AGR2: variants seen among roughly 807,000 people sequenced by gnomAD.
AGR2 encodes anterior gradient 2, protein disulphide isomerase family member.
Under a neutral mutation model 25.9 loss-of-function variants are expected in AGR2, and 27 were observed. The observed-to-expected ratio is 1.04, with a 90% CI of 0.77 to 1.44. The LOEUF is 1.44. AGR2 is among the 40% of genes most tolerant of loss of function. The pLI, the probability that AGR2 is intolerant of heterozygous loss-of-function variation, is 0.00. For missense variants in AGR2, 182 were observed against 200.9 expected (o/e 0.91, Z 0.57); for synonymous variants, 78 against 72.0 (o/e 1.08, Z -0.42).
intron 1 of AGR2, among the ~76,000 whole-genome samples, chr7:16,803,917 G>A (rs1785191314): frequency 6.6e-6 from 1 of 152,128 alleles, no homozygotes; most frequent in African/African-American, 2.4e-5. Flanking sequence ...ATTTATAACA[G>A]CATCTATATA....
At chr7:16,793,136 C>T (rs1033468567) in intron 7 of AGR2, among the ~76,000 whole-genome samples, 179 bp from the exon 8 acceptor site, 2 of 152,150 alleles carry the variant, frequency 1.3e-5, no homozygotes, top group Non-Finnish European at 2.9e-5. Flanking sequence ...GCAACCTCTG[C>T]CTCCTGGGTT....
chr7:16,797,693 T>C lies in AGR2; in HGVS notation c.332A>G (p.Tyr111Cys). The C allele has an allele frequency of 6.2e-7, 1 of 1,612,956 alleles. No homozygotes were observed. The highest frequency in any genetic ancestry group is 8.5e-7 in the Non-Finnish European group (1 of 1,179,396). The change falls in exon 6 of 8, where the codon TAT becomes TGT. Residue 111 changes from tyrosine (Y) to cysteine (C), a missense_variant and splice_region_variant. By Grantham distance (194) the Tyr-to-Cys change is radical. Coordinates refer to ENST00000419304, the MANE Select transcript of AGR2 (RefSeq NM_006408.4). Reference sequence around the variant, plus strand: ...AGAAAGGTGTTTGTCAGTTGTTTCATACTAAAATAAAAAGAAAAGCATCTT... The same window carrying C: ...AGAAAGGTGTTTGTCAGTTGTTTCACACTAAAATAAAAAGAAAAGCATCTT... Reference protein sequence around the residue: ...AEQFVLLNLVYETTDKHLSPD... With the variant: ...AEQFVLLNLVCETTDKHLSPD...
Position 16,797,620 on chromosome 7 carries a change from C to T in AGR2, c.394+11G>A, listed in dbSNP as rs760549470. ...GTGTTTCCGAGTTATCTCACTGTCA[C>T]TTCCGCTTACCAACAAACATAATCC... On this transcript the variant is annotated intron_variant, in intron 6 of 7. Coordinates refer to ENST00000419304, the MANE Select transcript of AGR2 (RefSeq NM_006408.4). The T allele has an allele frequency of 7.4e-6, 12 of 1,613,394 alleles. No individual in the cohort carries two copies. In the African/African-American group the frequency reaches 9.3e-5, roughly 13 times the overall value.
In AGR2 at chr7:16,801,766, G is replaced by A. The variant is rs751533102; in HGVS notation, c.31C>T (p.Leu11Phe). 5.0e-6 allele frequency: 8 copies of A among 1,611,306 alleles called. No individual in the cohort carries two copies. In the South Asian group the frequency reaches 8.8e-5, roughly 18 times the overall value. ...AGAGTGTAGGAGAGGGCCACAAGGA[G>A]CAAGAATGCTGACACTGGAATTTTC... Reference protein sequence around the residue: MEKIPVSAFLLLVALSYTLAR... With the variant: MEKIPVSAFLFLVALSYTLAR... The change falls in exon 2 of 8, where the codon CTC (leucine) becomes TTC (phenylalanine). Residue 11 changes from leucine to phenylalanine, a missense_variant. Coordinates refer to ENST00000419304, the MANE Select transcript of AGR2 (RefSeq NM_006408.4).
chr7:16,804,653 G>GA (rs1785203441), intron 1 of AGR2, among the ~76,000 whole-genome samples: 1 of 152,094 alleles, frequency 6.6e-6, no homozygotes, highest in African/African-American at 2.4e-5. Flanking sequence ...TCCCAGGCTT[G>GA]AAAAATCCTA....
chr7:16,802,911 C>T (rs1407196843), intron 1 of AGR2, among the ~76,000 whole-genome samples: 1 of 152,146 alleles, frequency 6.6e-6, no homozygotes, highest in East Asian at 1.9e-4. Context: ...TGGCTCACTG[C>T]AACCTCCACC....
intron 2 of AGR2, 30 bp from the exon 3 acceptor site, chr7:16,801,413 GC>G (rs745342284): frequency 6.3e-7 from 1 of 1,599,306 alleles, no homozygotes; most frequent in Admixed American, 1.7e-5. Context: ...TATATTTGAA[GC>G]TTGTATAAAT....
At position 16,795,107 on chromosome 7, in the gene AGR2, A is replaced by T. The variant is rs1035987588; in HGVS notation, c.395-88T>A. On this transcript the variant is annotated intron_variant, in intron 6 of 7. Transcript: ENST00000419304. ...TGCCCCGGGGAGCTGAAGTTCATGTATTCATGTCCTGTGAGGGAATGGAGT... is the reference window on the plus strand; with the variant it reads ...TGCCCCGGGGAGCTGAAGTTCATGTTTTCATGTCCTGTGAGGGAATGGAGT... 4.8e-5 allele frequency: 66 copies of T among 1,385,686 alleles called. No individual in the cohort carries two copies. In the African/African-American group the frequency reaches 8.7e-4, roughly 18 times the overall value. 85.8% of individuals were successfully genotyped at this position (1,385,686 alleles called of 1,614,324 possible).
In AGR2 at chr7:16,797,134, G is replaced by A. The variant is rs191986103; in HGVS notation, c.394+497C>T. On this transcript the variant is annotated intron_variant, in intron 6 of 7. Coordinates refer to ENST00000419304, the MANE Select transcript of AGR2 (RefSeq NM_006408.4). ...GTAGAGATGGGGTTTCACCTTGTTG[G>A]CCAGGCTGGTTTGGAGCTCCTGACC... 2.2e-4 allele frequency among the ~76,000 whole-genome samples: 33 copies of A among 152,034 alleles called. No individual in the cohort carries two copies. In the East Asian group the frequency reaches 5.8e-3, roughly 27 times the overall value.
chr7:16,798,040 G>A (rs1785078955), intron 5 of AGR2, among the ~76,000 whole-genome samples: 2 of 152,144 alleles, frequency 1.3e-5, no homozygotes, highest in African/African-American at 4.8e-5. Context: ...AGACAAGTAC[G>A]GGATTTTCTT....
chr7:16,794,878 C>G, intron 7 of AGR2, 58 bp downstream of exon 7: 7 of 1,611,210 alleles, frequency 4.3e-6, no homozygotes, highest in Non-Finnish European at 5.9e-6. Flanking sequence ...AGTCCCATCA[C>G]TACAGCAATA....
chr7:16,801,953 T>C (rs1186073750), intron 1 of AGR2, 150 bp from the exon 2 acceptor site: 3 of 594,538 alleles, frequency 5.0e-6, no homozygotes, highest in Non-Finnish European at 5.6e-6. Flanking sequence ...CTCTGTTCCA[T>C]GGGATTTTCC....
At chr7:16,794,696 C>T (rs1190757572) in intron 7 of AGR2, 1 of 1,081,384 alleles carries the variant, frequency 9.2e-7, no homozygotes, top group Non-Finnish European at 1.3e-6. Context: ...ATAGAATCCT[C>T]CTAGAGAAAA....
rs1784981750 is a variant in AGR2 at position 16,792,628 on chromosome 7, T to G, written c.*280A>C. 2.6e-6 allele frequency: 1 copy of G among 390,812 alleles called. No homozygotes were observed. The highest frequency in any genetic ancestry group is 2.0e-5 in the African/African-American group (1 of 49,148). The allele number at this position is 390,812 out of a possible 1,614,324, so 24.2% of individuals were successfully genotyped here. The stretch of plus-strand genomic sequence containing the variant: ...ATCCTATTTGGTAAACGAACCACTG[T>G]GAAAGACCAAGTTGGAGAAAACAGA... On this transcript the variant is annotated 3_prime_UTR_variant, in exon 8 of 8. Transcript: ENST00000419304.
At chr7:16,796,401 T>G (rs1352263606) in intron 6 of AGR2, among the ~76,000 whole-genome samples, 2 of 152,256 alleles carry the variant, frequency 1.3e-5, no homozygotes, top group African/African-American at 4.8e-5. Context: ...GTGCTTTAGT[T>G]CAGCCTTCTT....
intron 1 of AGR2, among the ~76,000 whole-genome samples, 186 bp downstream of exon 1, chr7:16,804,749 C>G (rs1785205330): frequency 6.6e-6 from 1 of 151,446 alleles, no homozygotes; most frequent in African/African-American, 2.5e-5. Context: ...TGTGCCAGCT[C>G]TAGCCAAAGA....
At chr7:16,801,473 C>A (rs777375305) in intron 2 of AGR2, 90 bp from the exon 3 acceptor site, 20 of 1,343,032 alleles carry the variant, frequency 1.5e-5, no homozygotes, top group Middle Eastern at 1.8e-4. Context: ...GGATAATAGA[C>A]CCTATACTAA....
chr7:16,802,356 C>T (rs1785163463), intron 1 of AGR2, among the ~76,000 whole-genome samples: 1 of 152,092 alleles, frequency 6.6e-6, no homozygotes, highest in Admixed American at 6.6e-5. Flanking sequence ...GGTCATGGAC[C>T]ATAACCCCCA....
At chr7:16,796,144 T>C (rs1459358233) in intron 6 of AGR2, among the ~76,000 whole-genome samples, 2 of 152,166 alleles carry the variant, frequency 1.3e-5, no homozygotes, top group Admixed American at 6.5e-5. Context: ...CCTGGGCAAC[T>C]TGATCTTTAA....
Sources: gnomAD v4.1 joint callset for allele counts (sites outside exome capture counted in the v4.1 genomes callset) on GRCh38, gnomAD v4.1.1 for gene constraint, MANE v1.5 for transcripts, NCBI Gene and HGNC (gene_info 2026-07-23, HGNC 2026-07-21) for gene names.